LRP4: variants seen among roughly 807,000 people sequenced by gnomAD.
LRP4 encodes low-density lipoprotein receptor-related protein 4.
In LRP4, 95 loss-of-function variants were observed where a neutral mutation model predicts 220.3. The ratio of observed to expected loss-of-function variants is 0.43; its 90% CI spans 0.37 to 0.51. LRP4 has a LOEUF of 0.51. Among genes scored for constraint, LRP4 ranks in the 20% least tolerant of loss-of-function variants. The pLI, the probability that LRP4 is intolerant of heterozygous loss-of-function variation, is 0.00. For missense variants in LRP4, 1,925 were observed against 2,567.0 expected (o/e 0.75, Z 5.40); for synonymous variants, 903 against 954.6 (o/e 0.95, Z 1.00).
chr11:46,875,527 T>C lies in LRP4; in HGVS notation c.3854A>G (p.Asn1285Ser), dbSNP rs1193536138. 1.9e-6 allele frequency: 3 copies of C among 1,613,986 alleles called. No homozygotes were observed. Among genetic ancestry groups the C allele is most frequent in the South Asian group, 1.1e-5 (1 of 91,088 alleles). ...CAGGTTGGACCTCACGAGGATGACATTGCTGCCAGTACCCTTGTCAGCACG... is the reference window on the plus strand; with the variant it reads ...CAGGTTGGACCTCACGAGGATGACACTGCTGCCAGTACCCTTGTCAGCACG... Reference protein sequence around the residue: ...IHRADKGTGSNVILVRSNLPG... With the variant: ...IHRADKGTGSSVILVRSNLPG... The change falls in exon 27 of 38, where the codon AAT becomes AGT. Residue 1285 changes from asparagine to serine, a missense_variant. By Grantham distance (46) the Asn-to-Ser change is conservative. Transcript: ENST00000378623. The surrounding 1 kb of genome is among the most constrained non-coding windows in gnomAD (Gnocchi z 4.5).
intron 12 of LRP4, among the ~76,000 whole-genome samples, chr11:46,894,103 G>A (rs1226006262): frequency 6.6e-6 from 1 of 151,614 alleles, no homozygotes; most frequent in Admixed American, 6.6e-5. Context: ...TGTTGGTCAG[G>A]CTGGTCTCAA....
chr11:46,904,848 C>A (rs1233667013), intron 1 of LRP4, among the ~76,000 whole-genome samples: 1 of 151,872 alleles, frequency 6.6e-6, no homozygotes, highest in African/African-American at 2.4e-5. Context: ...TGGTGGTGGA[C>A]ACCTGTACTC....
At chr11:46,889,259 G>T in intron 16 of LRP4, 152 bp downstream of exon 16, 1 of 1,042,820 alleles carries the variant, frequency 9.6e-7, no homozygotes, top group Admixed American at 1.8e-5. Context: ...TTTGATAGAA[G>T]ATCCCTCAGC....
Position 46,893,078 on chromosome 11 carries a change from C to T in LRP4, c.1592G>A (p.Gly531Asp), listed in dbSNP as rs377718131. ...VHDKLYWTDSGTSRIEVANLD... is the reference protein window; with the variant it reads ...VHDKLYWTDSDTSRIEVANLD... ...ATTGGCCACCTCAATCCTCGAGGTG[C>T]CTGAGTCGGTCCAGTAGAGTTTGTC... Residue 531 changes from glycine to aspartate, a missense_variant, in exon 13 of 38, where the codon GGC (glycine) becomes GAC (aspartate). Gly to Asp is a moderately conservative substitution (Grantham distance 94). Around this residue, in one of 3 missense-constraint regions of LRP4, gnomAD observed 269 missense variants for 436.7 expected, o/e 0.62. Coordinates refer to ENST00000378623, the MANE Select transcript of LRP4 (RefSeq NM_002334.4). 6.2e-7 allele frequency: 1 copy of T among 1,614,182 alleles called. No individual in the cohort carries two copies. Among genetic ancestry groups the T allele is most frequent in the Non-Finnish European group, 8.5e-7 (1 of 1,180,020 alleles).
At position 46,899,306 on chromosome 11, in the gene LRP4, C is replaced by CTCCT; in HGVS notation, c.547+77_547+80dup. On this transcript the variant is annotated intron_variant, in intron 5 of 37. Coordinates refer to ENST00000378623, the MANE Select transcript of LRP4 (RefSeq NM_002334.4). This position sits in a 1 kb window ranked among gnomAD's most constrained non-coding sequence, Gnocchi z 5.9. ...ATGCTCCTTGCCCTTGGTACATGCA[C>CTCCT]TCCTCAGCCTCGCCCTTAGCCAATG... 1 of 1,170,048 alleles carries CTCCT rather than the reference C, an allele frequency of 8.5e-7. No individual in the cohort carries two copies. Among genetic ancestry groups the CTCCT allele is most frequent in the Non-Finnish European group, 1.3e-6 (1 of 778,216 alleles). The allele number at this position is 1,170,048 out of a possible 1,614,324, so 72.5% of individuals were successfully genotyped here. A position where few individuals can be genotyped will look rare whatever the true frequency, so the allele number is the denominator to read the frequency against.
chr11:46,896,195 A>G lies in LRP4; in HGVS notation c.1048+15T>C, dbSNP rs1302164217. ...CACAAACCATGGGCCAGGTCCGCCC[A>G]CTGGGGACACTCACGGCAATTCTGC... is the stretch of plus-strand genomic sequence containing the variant. On this transcript the variant is annotated intron_variant, in intron 9 of 37. Transcript: ENST00000378623. 1 of 1,613,566 alleles carries G rather than the reference A, an allele frequency of 6.2e-7. No individual in the cohort carries two copies. Among genetic ancestry groups the G allele is most frequent in the East Asian group, 2.2e-5 (1 of 44,890 alleles).
intron 20 of LRP4, 36 bp downstream of exon 20, chr11:46,881,666 G>GTGCCATCCTTACCTTCCTCTTAC (rs1555172705): frequency 2.5e-6 from 4 of 1,599,004 alleles, no homozygotes; most frequent in Non-Finnish European, 3.4e-6. Flanking sequence ...AGATGTTTTA[G>GTGCCATCCTTACCTTCCTCTTAC]TGCCACCCTT....
intron 34 of LRP4, among the ~76,000 whole-genome samples, chr11:46,867,432 A>C (rs989939617): frequency 6.6e-6 from 1 of 152,036 alleles, no homozygotes; most frequent in Non-Finnish European, 1.5e-5. Context: ...TTTCTGTTTA[A>C]AGTTGTTCTT....
chr11:46,895,415 C>G, intron 10 of LRP4, 124 bp from the exon 11 acceptor site: 2 of 1,386,482 alleles, frequency 1.4e-6, no homozygotes, highest in East Asian at 2.3e-5. Flanking sequence ...GGAAGGCTGT[C>G]TAAGAAATGG....
intron 8 of LRP4, 137 bp from the exon 9 acceptor site, chr11:46,896,472 C>T: frequency 9.5e-7 from 1 of 1,052,110 alleles, no homozygotes; most frequent in South Asian, 1.4e-5. Context: ...CAGGAAGCAG[C>T]TCAGACAGGG....
At position 46,890,230 on chromosome 11, in the gene LRP4, G is replaced by C. The variant is rs2306037; in HGVS notation, c.1915+47C>G. ...ACCAAGGCTCCTGGGGGGCAGGGAC[G>C]GGGGCAGGAGGACAAGAGATGAAGG... On this transcript the variant is annotated intron_variant, in intron 14 of 37. Coordinates refer to ENST00000378623, the MANE Select transcript of LRP4 (RefSeq NM_002334.4). The surrounding 1 kb of genome is among the most constrained non-coding windows in gnomAD (Gnocchi z 5.3). 273,222 of 1,606,312 alleles carry C rather than the reference G, an allele frequency of 0.17. 30,798 individuals carry two copies. The highest frequency in any genetic ancestry group is 0.62 in the East Asian group (27,672 of 44,814).
intron 1 of LRP4, among the ~76,000 whole-genome samples, chr11:46,911,001 T>A (rs1422557386): frequency 1.3e-5 from 2 of 152,104 alleles, no homozygotes; most frequent in Non-Finnish European, 2.9e-5. Flanking sequence ...TATCACCAAC[T>A]AATTCTGAGG....
At chr11:46,906,740 AC>A (rs1373523478) in intron 1 of LRP4, among the ~76,000 whole-genome samples, 1 of 151,800 alleles carries the variant, frequency 6.6e-6, no homozygotes, top group Non-Finnish European at 1.5e-5. Context: ...TTAGGGCCCC[AC>A]CCCCGCCTTT....
chr11:46,864,514 T>C lies in LRP4; in HGVS notation c.5177A>G (p.Tyr1726Cys). 6.2e-7 allele frequency: 1 copy of C among 1,613,286 alleles called. No individual in the cohort carries two copies. The highest frequency in any genetic ancestry group is 8.5e-7 in the Non-Finnish European group (1 of 1,179,280). The change falls in exon 36 of 38, where the codon TAC becomes TGC. Residue 1726 changes from tyrosine (Y) to cysteine (C), a missense_variant. This residue lies in a region of LRP4 where 1,244 missense variants were observed against 1,624.9 expected (regional missense o/e 0.77). Coordinates refer to ENST00000378623, the MANE Select transcript of LRP4 (RefSeq NM_002334.4). Reference protein sequence around the residue: ...AAPGEGLHISYAIGGLLSILL... With the variant: ...AAPGEGLHISCAIGGLLSILL... ...AATACTGAGGAGTCCACCAATGGCG[T>C]AGCTGATATGAAGTCCTTCCCCTAG...
At position 46,904,887 on chromosome 11, in the gene LRP4, A is replaced by T. The variant is rs7930991; in HGVS notation, c.53-1958T>A. Among the ~76,000 whole-genome samples the T allele has an allele frequency of 2.0e-5, 3 of 150,642 alleles. No individual in the cohort carries two copies. In the South Asian group the frequency reaches 6.3e-4, roughly 32 times the overall value. ...GCTACTTGGGAGCATGATGTGGGAG[A>T]ATCACTTGAGCCCGGGAGGTTGAGG... On this transcript the variant is annotated intron_variant, in intron 1 of 37. Coordinates refer to ENST00000378623, the MANE Select transcript of LRP4 (RefSeq NM_002334.4).
chr11:46,889,865 G>A (rs1592536162), intron 15 of LRP4, 79 bp downstream of exon 15: 1 of 1,507,492 alleles, frequency 6.6e-7, no homozygotes, highest in Non-Finnish European at 9.2e-7. Flanking sequence ...AACTCTAAGG[G>A]GAAGGAAGGT....
intron 36 of LRP4, among the ~76,000 whole-genome samples, chr11:46,863,086 A>C (rs540429094): frequency 1.4e-4 from 22 of 152,158 alleles, no homozygotes; most frequent in Non-Finnish European, 2.4e-4. Flanking sequence ...ACAAGGCAAG[A>C]AACTAATGAG....
chr11:46,893,169 C>T (rs918944329), intron 12 of LRP4, 40 bp from the exon 13 acceptor site: 3 of 1,613,446 alleles, frequency 1.9e-6, no homozygotes, highest in South Asian at 1.1e-5. Flanking sequence ...AGGAGTCAAC[C>T]CAGGCCCCCA....
intron 25 of LRP4, among the ~76,000 whole-genome samples, 159 bp downstream of exon 25, chr11:46,876,307 C>T (rs1202533800): frequency 6.6e-6 from 1 of 152,170 alleles, no homozygotes; most frequent in African/African-American, 2.4e-5. Flanking sequence ...CTACACTGTA[C>T]TGTCACCCTG....
Sources: gnomAD v4.1 joint callset for allele counts (sites outside exome capture counted in the v4.1 genomes callset) on GRCh38, gnomAD v4.1.1 for gene constraint, gnomAD v4.1.1 regional missense constraint, Gnocchi (gnomAD v3.1) non-coding constraint, MANE v1.5 for transcripts, NCBI Gene and HGNC (gene_info 2026-07-23, HGNC 2026-07-21) for gene names.